PALM2AKAP2: variants seen among roughly 807,000 people sequenced by gnomAD.
The protein encoded by PALM2AKAP2 is PALM2 and AKAP2 fusion.
PALM2AKAP2 carries 37 observed loss-of-function variants against 71.5 expected under a neutral mutation model. The ratio of observed to expected loss-of-function variants is 0.52; its 90% CI spans 0.40 to 0.68. PALM2AKAP2 has a LOEUF of 0.68. PALM2AKAP2 is among the 30% of genes least tolerant of loss of function. The pLI is 0.00. For synonymous variants in PALM2AKAP2, 468 were observed against 478.8 expected (o/e 0.98, Z 0.29); for missense variants, 1,224 against 1,191.8 (o/e 1.03, Z -0.40).
intron 1 of PALM2AKAP2, among the ~76,000 whole-genome samples, chr9:109,843,444 T>C (rs1828764666): frequency 6.6e-6 from 1 of 152,146 alleles, no homozygotes. Flanking sequence ...TTTAAATGCC[T>C]ATTTTGATGT....
intron 3 of PALM2AKAP2, among the ~76,000 whole-genome samples, chr9:109,902,271 A>G (rs1226103204): frequency 1.3e-5 from 2 of 152,216 alleles, no homozygotes; most frequent in Non-Finnish European, 2.9e-5. Flanking sequence ...GTGTCTCATC[A>G]GTGCCTAGCG....
intron 1 of PALM2AKAP2, among the ~76,000 whole-genome samples, chr9:109,853,215 C>T (rs1216093367): frequency 6.6e-6 from 1 of 152,120 alleles, no homozygotes; most frequent in East Asian, 1.9e-4. Context: ...TTAAAGCACT[C>T]AGAACTGCGC....
upstream of PALM2AKAP2, among the ~76,000 whole-genome samples, chr9:110,046,319 A>G (rs1170878008): frequency 2.0e-5 from 3 of 152,222 alleles, no homozygotes; most frequent in South Asian, 2.1e-4. Context: ...ATAAATTAAT[A>G]TCTATTAAGC....
Position 109,804,408 on chromosome 9 carries a change from A to G in PALM2AKAP2, c.45+23875A>G, listed in dbSNP as rs565294847. On this transcript the variant is annotated intron_variant, in intron 1 of 9. Transcript: ENST00000302798. ...TGGGTTTGAATGGATCTGAATTTTA[A>G]TAGCTTTTTCCTCCAAAATATTATT... Among the ~76,000 whole-genome samples, 371 of 152,352 alleles carry G rather than the reference A, an allele frequency of 2.4e-3. 1 individual carries two copies. Among genetic ancestry groups the G allele is most frequent in the African/African-American group, 8.5e-3 (353 of 41,578 alleles).
chr9:110,100,612 G>A (rs149351393), intron 1 of PALM2AKAP2, among the ~76,000 whole-genome samples: 2 of 152,232 alleles, frequency 1.3e-5, no homozygotes, highest in African/African-American at 4.8e-5. Flanking sequence ...AGAAAGGCAG[G>A]AAACCATGTC....
intron 1 of PALM2AKAP2, among the ~76,000 whole-genome samples, chr9:110,056,899 G>A (rs935678734): frequency 1.4e-4 from 22 of 152,276 alleles, no homozygotes; most frequent in African/African-American, 5.3e-4. Context: ...AGCCTCCAAA[G>A]GATGACAGGT....
intron 7 of PALM2AKAP2, among the ~76,000 whole-genome samples, chr9:110,037,888 A>G (rs1359162814): frequency 6.6e-6 from 1 of 152,216 alleles, no homozygotes. Flanking sequence ...ATAAGCTGAC[A>G]TATAAATTTG....
chr9:109,838,041 A>G (rs1253419342), intron 1 of PALM2AKAP2, among the ~76,000 whole-genome samples: 2 of 141,892 alleles, frequency 1.4e-5, no homozygotes, highest in African/African-American at 5.4e-5. Flanking sequence ...ATAGACATCT[A>G]CAGAACTCTC....
rs78481877 is a variant in PALM2AKAP2 at position 109,856,280 on chromosome 9, A to G, written c.46-11211A>G. ...TCCCGTCTATAATTGCAAACAAAGC[A>G]CTGAGAACCACCTAAATTATCTATT... On this transcript the variant is annotated intron_variant, in intron 1 of 9. Coordinates refer to the PALM2AKAP2 transcript ENST00000302798. Among the ~76,000 whole-genome samples the G allele has an allele frequency of 9.6e-3, 1,458 of 152,350 alleles. 22 individuals carry two copies. The highest frequency in any genetic ancestry group is 0.033 in the African/African-American group (1,392 of 41,578).
At chr9:110,066,164 A>C (rs2118538609) in intron 1 of PALM2AKAP2, among the ~76,000 whole-genome samples, 1 of 152,326 alleles carries the variant, frequency 6.6e-6, no homozygotes, top group South Asian at 2.1e-4. Context: ...GATGTATCCT[A>C]TGAGCGTAGG....
In PALM2AKAP2 at chr9:110,024,470, G is replaced by C. The variant is rs552764582; in HGVS notation, c.582+8431G>C. 2.0e-5 allele frequency among the ~76,000 whole-genome samples: 3 copies of C among 151,466 alleles called. No individual in the cohort carries two copies. In the East Asian group the frequency reaches 5.8e-4, roughly 29 times the overall value. ...CACTATCCCTTTCACTCTTTTTAAT[G>C]CTGAATAATATTTCATTTAATTGAT... On this transcript the variant is annotated intron_variant, in intron 7 of 9. Coordinates refer to the PALM2AKAP2 transcript ENST00000302798.
intron 7 of PALM2AKAP2, among the ~76,000 whole-genome samples, chr9:110,026,085 A>ATTTC (rs373488495): frequency 0.018 from 2,752 of 151,026 alleles, 82 homozygotes; most frequent in African/African-American, 0.064. Flanking sequence ...TCTTTTATTT[A>ATTTC]TTTCTTTCTT....
At chr9:110,080,474 G>A (rs1024630156) in intron 1 of PALM2AKAP2, among the ~76,000 whole-genome samples, 3 of 152,292 alleles carry the variant, frequency 2.0e-5, no homozygotes, top group South Asian at 4.1e-4. Flanking sequence ...CAAAACCATA[G>A]AGGTGTGATG....
chr9:109,712,581 T>C (rs1824463664), intron 1 of PALM2AKAP2, among the ~76,000 whole-genome samples: 1 of 152,248 alleles, frequency 6.6e-6, no homozygotes, highest in South Asian at 2.1e-4. Flanking sequence ...GGAATATGGT[T>C]TGCAGAAAGA....
At chr9:109,680,566 G>A (rs985404032) in intron 1 of PALM2AKAP2, among the ~76,000 whole-genome samples, 12 of 152,150 alleles carry the variant, frequency 7.9e-5, no homozygotes, top group African/African-American at 2.4e-4. Context: ...CCTATAAAAT[G>A]TCTAGGATTA....
At chr9:109,737,637 G>C (rs1028384168) in intron 1 of PALM2AKAP2, among the ~76,000 whole-genome samples, 1 of 152,220 alleles carries the variant, frequency 6.6e-6, no homozygotes, top group African/African-American at 2.4e-5. Flanking sequence ...ATTTTAGCTA[G>C]GTGCATCTAC....
At chr9:110,084,116 G>T (rs988717521) in intron 1 of PALM2AKAP2, among the ~76,000 whole-genome samples, 3 of 152,158 alleles carry the variant, frequency 2.0e-5, no homozygotes, top group Non-Finnish European at 2.9e-5. Context: ...CATGAGAAGA[G>T]ATTTAGAGAT....
At chr9:109,880,706 C>A in intron 3 of PALM2AKAP2, 25 bp downstream of exon 3, 2 of 1,611,862 alleles carry the variant, frequency 1.2e-6, no homozygotes, top group East Asian at 2.2e-5. Context: ...GCCCAGGGAA[C>A]CCATGCTACA....
rs183523969 is a variant in PALM2AKAP2 at position 110,040,621 on chromosome 9, G to A, written c.582+24582G>A. 4.2e-3 allele frequency among the ~76,000 whole-genome samples: 633 copies of A among 152,276 alleles called. 7 individuals carry two copies. Among genetic ancestry groups the A allele is most frequent in the African/African-American group, 0.014 (596 of 41,564 alleles). ...TTAACAGCCTGTGCTTAAAAGTTCT[G>A]AGGGAAACACTTGCAAATTACTAGG... is the stretch of plus-strand genomic sequence containing the variant. On this transcript the variant is annotated intron_variant, in intron 7 of 9. Coordinates refer to the PALM2AKAP2 transcript ENST00000302798.
Sources: allele counts gnomAD v4.1 joint callset (sites outside exome capture counted in the v4.1 genomes callset), GRCh38; gene constraint gnomAD v4.1.1; transcripts MANE v1.5; gene names NCBI Gene and HGNC (gene_info 2026-07-23, HGNC 2026-07-21).